KALRN: variants seen among roughly 807,000 people sequenced by gnomAD.
KALRN encodes kalirin RhoGEF kinase.
In KALRN, 70 loss-of-function variants were observed where a neutral mutation model predicts 353.7. The ratio of observed to expected loss-of-function variants is 0.20; its 90% CI spans 0.16 to 0.24. The LOEUF (loss-of-function observed/expected upper bound fraction) is 0.24, where lower values mean the gene tolerates loss of function less well. Ranked by LOEUF, KALRN falls within the 10% of genes least tolerant of loss-of-function variation. The pLI is 1.00. For missense variants in KALRN, 2,791 were observed against 3,756.7 expected, an observed-to-expected ratio of 0.74 and a Z score of 6.72; for synonymous variants, 1,391 against 1,434.8, an observed-to-expected ratio of 0.97 and a Z score of 0.69.
intron 34 of KALRN, among the ~76,000 whole-genome samples, chr3:124,576,820 C>T (rs780590556): frequency 2.6e-5 from 4 of 152,192 alleles, no homozygotes; most frequent in Non-Finnish European, 5.9e-5. Context: ...ATAGTGGACA[C>T]TTAGCAATCA....
intron 10 of KALRN, among the ~76,000 whole-genome samples, chr3:124,369,610 A>ATATT (rs1213528993): frequency 2.0e-5 from 3 of 152,202 alleles, no homozygotes; most frequent in African/African-American, 7.2e-5. Flanking sequence ...AGGGAACTTT[A>ATATT]TATTTACTCC....
At chr3:124,279,056 T>G (rs2075078934) in intron 5 of KALRN, among the ~76,000 whole-genome samples, 1 of 152,250 alleles carries the variant, frequency 6.6e-6, no homozygotes, top group Non-Finnish European at 1.5e-5. Flanking sequence ...CTGTTCTCTC[T>G]GAACTTGTTG....
At chr3:124,339,479 A>G (rs1280894792) in intron 9 of KALRN, among the ~76,000 whole-genome samples, 4 of 152,140 alleles carry the variant, frequency 2.6e-5, no homozygotes, top group Admixed American at 6.5e-5. Flanking sequence ...GGGGACGCAA[A>G]ATGAGTTGCT....
intron 33 of KALRN, among the ~76,000 whole-genome samples, chr3:124,507,797 G>A (rs887200217): frequency 5.9e-5 from 9 of 152,294 alleles, no homozygotes; most frequent in Admixed American, 5.9e-4. Flanking sequence ...AGACAAATGT[G>A]CCAGATGAGA....
At chr3:124,286,247 TTCTC>T (rs551776705) in intron 5 of KALRN, among the ~76,000 whole-genome samples, 62 of 150,682 alleles carry the variant, frequency 4.1e-4, no homozygotes, top group Middle Eastern at 3.4e-3. Flanking sequence ...CTTCCTCTCT[TTCTC>T]TCTTGCTCTC....
chr3:124,325,925 G>A, intron 6 of KALRN, 55 bp from the exon 7 acceptor site: 7 of 1,467,506 alleles, frequency 4.8e-6, no homozygotes, highest in Non-Finnish European at 5.6e-6. Context: ...CCACGAAAGT[G>A]CTCAGTGGAT....
chr3:124,506,598 A>G (rs1228357184), intron 33 of KALRN, among the ~76,000 whole-genome samples: 5 of 152,150 alleles, frequency 3.3e-5, no homozygotes, highest in African/African-American at 9.7e-5. Context: ...TGCTTTGTGA[A>G]TGCTCCTATA....
intron 1 of KALRN, among the ~76,000 whole-genome samples, chr3:124,103,214 A>T (rs2062017785): frequency 6.6e-6 from 1 of 152,184 alleles, no homozygotes; most frequent in Non-Finnish European, 1.5e-5. Flanking sequence ...CCCAGGCAAG[A>T]TGTATCTAGG....
chr3:124,254,739 C>T (rs11712039), intron 3 of KALRN, among the ~76,000 whole-genome samples: 41,717 of 152,056 alleles, frequency 0.27, 6,774 homozygotes, highest in Non-Finnish European at 0.37. Context: ...TAGTTTGGCT[C>T]TCATTGTATA....
rs115912297 is a variant in KALRN, at chr3:124,706,036, A to T, written c.8075+3920A>T. On this transcript the variant is annotated intron_variant, in intron 57 of 59. Coordinates refer to ENST00000682506, the MANE Select transcript of KALRN (RefSeq NM_001388419.1). ...AAGTGATCCTCTTAGCCTCCCAAGT[A>T]GCTGGGACTACAGACACACACCATT... Among the ~76,000 whole-genome samples, 520 of 152,162 alleles carry T rather than the reference A, an allele frequency of 3.4e-3. 4 individuals carry two copies. Among genetic ancestry groups the T allele is most frequent in the African/African-American group, 0.012 (489 of 41,494 alleles).
chr3:124,185,563 C>G (rs1037720082), intron 1 of KALRN, among the ~76,000 whole-genome samples: 1 of 152,198 alleles, frequency 6.6e-6, no homozygotes, highest in South Asian at 2.1e-4. Context: ...GACTCGCCTT[C>G]CTTGGCAGGT....
At chr3:124,588,006 T>C (rs911515996) in intron 34 of KALRN, among the ~76,000 whole-genome samples, 4 of 151,302 alleles carry the variant, frequency 2.6e-5, no homozygotes, top group African/African-American at 9.7e-5. Context: ...TTTGGTTCTA[T>C]TGAGTATGAG....
intron 3 of KALRN, among the ~76,000 whole-genome samples, chr3:124,255,064 G>C (rs2071750808): frequency 6.6e-6 from 1 of 152,198 alleles, no homozygotes; most frequent in African/African-American, 2.4e-5. Context: ...TCCTGCCTCA[G>C]CCTCTTGAGT....
chr3:124,701,945 G>T, intron 56 of KALRN, 93 bp from the exon 57 acceptor site: 2 of 903,474 alleles, frequency 2.2e-6, no homozygotes, highest in Admixed American at 3.5e-5. Flanking sequence ...CATGAGAATT[G>T]CTTTGGGGTT....
At chr3:124,162,551 A>C (rs928216038) in intron 1 of KALRN, 1 of 152,248 alleles carries the variant, frequency 6.6e-6, no homozygotes, top group Admixed American at 6.5e-5. Context: ...GCTCTGAGGC[A>C]AAGTCAAAAC....
chr3:124,691,902 A>G lies in KALRN; in HGVS notation c.7378-1902A>G, dbSNP rs567778950. On this transcript the variant is annotated intron_variant, in intron 51 of 59. Coordinates refer to ENST00000682506, the MANE Select transcript of KALRN (RefSeq NM_001388419.1). ...CATGCCTCGAAACCTTTTCACACAG[A>G]GAACTCTTTTAGGTGTGGGAAATGC... Among the ~76,000 whole-genome samples the G allele has an allele frequency of 2.0e-5, 3 of 152,302 alleles. No homozygotes were observed. In the South Asian group the frequency reaches 6.2e-4, roughly 32 times the overall value.
intron 1 of KALRN, among the ~76,000 whole-genome samples, chr3:124,184,612 G>T (rs1415625400): frequency 6.6e-6 from 1 of 152,116 alleles, no homozygotes; most frequent in Non-Finnish European, 1.5e-5. Flanking sequence ...ACTCCCCTTT[G>T]AAGCCTTTCC....
chr3:124,601,217 T>G (rs1023461784), intron 34 of KALRN, among the ~76,000 whole-genome samples: 1 of 152,352 alleles, frequency 6.6e-6, no homozygotes, highest in Middle Eastern at 3.4e-3. Context: ...TGAAAAAGTA[T>G]GTGTGTATCA....
At chr3:124,707,350 A>G (rs1433920379) in intron 57 of KALRN, among the ~76,000 whole-genome samples, 1 of 152,148 alleles carries the variant, frequency 6.6e-6, no homozygotes, top group Non-Finnish European at 1.5e-5. Flanking sequence ...GAAAGAAAGT[A>G]AAGTAAAAAC....
Sources: allele counts gnomAD v4.1 joint callset (sites outside exome capture counted in the v4.1 genomes callset), GRCh38; gene constraint gnomAD v4.1.1; transcripts MANE v1.5; gene names NCBI Gene and HGNC (gene_info 2026-07-23, HGNC 2026-07-21).